Variants in COL6A6 observed in about 807,000 individuals in gnomAD.
COL6A6 encodes the protein collagen alpha-6(VI) chain.
A neutral mutation model predicts 208.6 loss-of-function variants in COL6A6; 183 were observed. The ratio of observed to expected loss-of-function variants is 0.88; its 90% confidence interval spans 0.78 to 0.99. The LOEUF is 0.99. Ranked by LOEUF, COL6A6 falls within the 50% of genes least tolerant of loss-of-function variation. The probability of loss-of-function intolerance (pLI) is 0.00; values close to 1 mark genes in which losing one functional copy is unlikely to be tolerated. For missense variants in COL6A6, 2,816 were observed against 2,815.2 expected (o/e 1.00, Z -0.01); for synonymous variants, 973 against 1,011.8 (o/e 0.96, Z 0.73).
At chr3:130,566,083 C>T (rs990504427) in intron 4 of COL6A6, among the ~76,000 whole-genome samples, 2 of 152,012 alleles carry the variant, frequency 1.3e-5, no homozygotes. Flanking sequence ...TGTGGGGTAC[C>T]ATTCTAGCAT....
At chr3:130,619,248 C>T (rs1560074411) in intron 23 of COL6A6, among the ~76,000 whole-genome samples, 2 of 151,926 alleles carry the variant, frequency 1.3e-5, no homozygotes, top group Non-Finnish European at 2.9e-5. Context: ...AGCATGAGAC[C>T]CAACACAGCT....
Position 130,571,310 on chromosome 3 carries a change from A to G in COL6A6, c.2894A>G (p.Lys965Arg). The G allele has an allele frequency of 6.2e-7, 1 of 1,613,928 alleles. No individual in the cohort carries two copies. The highest frequency in any genetic ancestry group is 8.5e-7 in the Non-Finnish European group (1 of 1,179,860). Residue 965 changes from lysine to arginine, a missense_variant, in exon 7 of 37, where the codon AAG becomes AGG. Lys to Arg is a conservative substitution (Grantham distance 26, BLOSUM62 2). Transcript: ENST00000358511. Reference sequence around the variant, plus strand: ...TTAGCCATGGCAGGATCAAGCGACAAGTACTTCTTCGTGGAGACTTTTGGA... The same window carrying G: ...TTAGCCATGGCAGGATCAAGCGACAGGTACTTCTTCGTGGAGACTTTTGGA... ...ELLAMAGSSD[K>R]YFFVETFGGL...
intron 1 of COL6A6, among the ~76,000 whole-genome samples, chr3:130,557,137 C>T (rs921519995): frequency 2.0e-5 from 3 of 152,126 alleles, no homozygotes; most frequent in Admixed American, 6.5e-5. Context: ...GGCCATGACA[C>T]CTTATAGCCT....
At chr3:130,560,564 T>A (rs1441299440) in intron 2 of COL6A6, 136 bp downstream of exon 2, 11 of 669,510 alleles carry the variant, frequency 1.6e-5, no homozygotes, top group Non-Finnish European at 2.7e-5. Context: ...GGGCGGTAAG[T>A]CAAATTCTTT....
At chr3:130,573,645 C>T (rs377038109) in intron 7 of COL6A6, among the ~76,000 whole-genome samples, 4 of 146,402 alleles carry the variant, frequency 2.7e-5, no homozygotes, top group African/African-American at 7.6e-5. Flanking sequence ...CGGCTCACTA[C>T]AAGCTCCGCC....
chr3:130,642,519 C>T (rs894113633), intron 29 of COL6A6, among the ~76,000 whole-genome samples: 1 of 152,168 alleles, frequency 6.6e-6, no homozygotes, highest in African/African-American at 2.4e-5. Context: ...TGCTCCAGAG[C>T]TCTGCGGCAA....
chr3:130,593,220 A>T lies in COL6A6; in HGVS notation c.4438A>T (p.Arg1480Ter), dbSNP rs140413590. 91 of 1,613,012 alleles carry T rather than the reference A, an allele frequency of 5.6e-5. No homozygotes were observed. In the East Asian group the frequency reaches 2.0e-3, roughly 36 times the overall value. ...TTAGGGTGATAATGGTCTTCCTGGAAGAAAAGGAGAAAAGGGAGATGAGGG... is the reference window on the plus strand; with the variant it reads ...TTAGGGTGATAATGGTCTTCCTGGATGAAAAGGAGAAAAGGGAGATGAGGG... ...GEQGDNGLPGRKGEKGDEGSQ... is the reference protein window; with the variant it reads ...GEQGDNGLPG Residue 1480 changes from arginine (R) to a stop codon, truncating the protein, a stop_gained, in exon 17 of 37, where the codon AGA becomes TGA. Transcript: ENST00000358511. LOFTEE classifies it high-confidence loss of function.
rs1186763516 is a variant in COL6A6, at chr3:130,574,280, G to A, written c.3302G>A (p.Gly1101Asp). The A allele has an allele frequency of 6.2e-7, 1 of 1,613,856 alleles. No homozygotes were observed. Among genetic ancestry groups the A allele is most frequent in the Non-Finnish European group, 8.5e-7 (1 of 1,179,908 alleles). The change falls in exon 8 of 37, where the codon GGT (glycine) becomes GAT (aspartate). Residue 1101 changes from glycine (G) to aspartate (D), a missense_variant. Coordinates refer to ENST00000358511, the MANE Select transcript of COL6A6 (RefSeq NM_001102608.3). ...GACATGGGCAGCAGGATAAATACAG[G>A]TACCCCACAGGTGCTGCTGGTCCTT... ...RPDMGSRINTGTPQVLLVLTD... is the reference protein window; with the variant it reads ...RPDMGSRINTDTPQVLLVLTD...
intron 11 of COL6A6, 65 bp from the exon 12 acceptor site, chr3:130,589,025 A>G (rs1190895843): frequency 7.2e-6 from 9 of 1,246,944 alleles, no homozygotes; most frequent in East Asian, 7.2e-5. Flanking sequence ...CGCATGGTTG[A>G]ACTTGTATAT....
chr3:130,538,538 T>A (rs531683453), intron 1 of COL6A6, among the ~76,000 whole-genome samples: 1 of 152,354 alleles, frequency 6.6e-6, no homozygotes, highest in South Asian at 2.1e-4. Flanking sequence ...TCAGTTCATT[T>A]AACCCCCAAA....
rs1327750987 is a variant in COL6A6, at chr3:130,581,599, A to G, written c.3586A>G (p.Thr1196Ala). Reference protein sequence around the residue: ...VDVVVGFDVSTQEKGQTLLEG... With the variant: ...VDVVVGFDVSAQEKGQTLLEG... Reference sequence around the variant, plus strand: ...TGTTGTGGTGGGATTTGATGTCTCAACTCAGGAGAAAGGGCAGACTTTGCT... The same window carrying G: ...TGTTGTGGTGGGATTTGATGTCTCAGCTCAGGAGAAAGGGCAGACTTTGCT... The change falls in exon 9 of 37, where the codon ACT (threonine) becomes GCT (alanine). Residue 1196 changes from threonine to alanine, a missense_variant. Thr to Ala is a moderately conservative substitution (Grantham distance 58). Transcript: ENST00000358511. The G allele has an allele frequency of 1.2e-6, 2 of 1,613,354 alleles. No individual in the cohort carries two copies. Among genetic ancestry groups the G allele is most frequent in the South Asian group, 1.1e-5 (1 of 90,988 alleles).
intron 20 of COL6A6, among the ~76,000 whole-genome samples, chr3:130,601,915 C>G (rs1290722119): frequency 1.3e-5 from 2 of 152,182 alleles, no homozygotes; most frequent in African/African-American, 4.8e-5. Context: ...AGTGTGACCT[C>G]ATGCAGGGAT....
chr3:130,547,616 C>G (rs1304733369), intron 1 of COL6A6, among the ~76,000 whole-genome samples: 1 of 152,244 alleles, frequency 6.6e-6, no homozygotes, highest in African/African-American at 2.4e-5. Context: ...TGTCACCTCT[C>G]AATGTGTCTG....
Position 130,585,637 on chromosome 3 carries a change from A to G in COL6A6, c.3971-869A>G, listed in dbSNP as rs58682196. On this transcript the variant is annotated intron_variant, in intron 10 of 36. Transcript: ENST00000358511. The stretch of plus-strand genomic sequence containing the variant: ...CAACAGTTTTCTTTGAAATAATTGT[A>G]TTCATAAAACCCCAAAGCCTCCGAG... Among the ~76,000 whole-genome samples, 211 of 152,330 alleles carry G rather than the reference A, an allele frequency of 1.4e-3. 1 individual carries two copies. Among genetic ancestry groups the G allele is most frequent in the African/African-American group, 4.8e-3 (199 of 41,566 alleles).
Position 130,567,040 on chromosome 3 carries a change from CTTG to C in COL6A6, c.1626_1628del (p.Val543del). On this transcript the variant is annotated inframe_deletion, in exon 5 of 37. Transcript: ENST00000358511. ...GCGAGGAAACAAAGTTCCATGCCAC[CTTG>C]TTGTCCTGACAAATGGCATGTCCAA... The C allele has an allele frequency of 4.3e-6, 7 of 1,614,046 alleles. No homozygotes were observed. Among genetic ancestry groups the C allele is most frequent in the Non-Finnish European group, 5.9e-6 (7 of 1,179,904 alleles).
At chr3:130,531,092 C>CTCTCT (rs2062083882) in intron 1 of COL6A6, among the ~76,000 whole-genome samples, 1 of 121,262 alleles carries the variant, frequency 8.2e-6, no homozygotes, top group Admixed American at 8.1e-5. Context: ...TCTCTCTCTG[C>CTCTCT]CACTCACACA....
intron 23 of COL6A6, among the ~76,000 whole-genome samples, chr3:130,616,597 A>G (rs1313549057): frequency 6.6e-6 from 1 of 151,758 alleles, no homozygotes; most frequent in Non-Finnish European, 1.5e-5. Context: ...ACAAAAATAC[A>G]AATTTCAATT....
chr3:130,648,963 C>A, intron 32 of COL6A6, 106 bp from the exon 33 acceptor site: 2 of 854,830 alleles, frequency 2.3e-6, no homozygotes. Context: ...TTAAATTATT[C>A]TCTTTAAGTA....
In COL6A6 at chr3:130,567,044, T is replaced by G. The variant is rs755821962; in HGVS notation, c.1625T>G (p.Val542Gly). ...QRGNKVPCHL[V>G]VLTNGMSKDS... ...GGAAACAAAGTTCCATGCCACCTTG[T>G]TGTCCTGACAAATGGCATGTCCAAG... is the stretch of plus-strand genomic sequence containing the variant. Residue 542 changes from valine (V) to glycine (G), a missense_variant, in exon 5 of 37, where the codon GTT becomes GGT. Val to Gly is a moderately radical substitution (Grantham distance 109, BLOSUM62 -3). Transcript: ENST00000358511. 6 of 1,613,914 alleles carry G rather than the reference T, an allele frequency of 3.7e-6. No individual in the cohort carries two copies. Among genetic ancestry groups the G allele is most frequent in the Admixed American group, 3.3e-5 (2 of 60,004 alleles).
Sources: allele counts gnomAD v4.1 joint callset (sites outside exome capture counted in the v4.1 genomes callset), GRCh38; gene constraint gnomAD v4.1.1; transcripts MANE v1.5; gene names NCBI Gene and HGNC (gene_info 2026-07-23, HGNC 2026-07-21).